The following CARF variants were observed in gnomAD, a reference collection of about 807,000 sequenced individuals.
The protein encoded by CARF is calcium responsive transcription factor, also known as calcium-responsive transcription factor.
A neutral mutation model predicts 82.0 loss-of-function variants in CARF; 57 were observed. That is an observed-to-expected ratio of 0.70 (90% CI 0.56 to 0.87). CARF has a LOEUF of 0.87. Among genes scored for constraint, CARF ranks in the 40% least tolerant of loss-of-function variants. The pLI, the probability that CARF is intolerant of heterozygous loss-of-function variation, is 0.00. For missense variants in CARF, 771 were observed against 855.8 expected (o/e 0.90, Z 1.24); for synonymous variants, 268 against 290.1 (o/e 0.92, Z 0.77).
At chr2:202,918,486 T>C (rs4675307) in intron 2 of CARF, among the ~76,000 whole-genome samples, 135,116 of 152,106 alleles carry the variant, frequency 0.89, 60,705 homozygotes, top group Non-Finnish European at 0.95. Context: ...TTGCAGTGAG[T>C]GCCACTGCAC....
chr2:202,939,044 T>C (rs778917534), intron 3 of CARF, among the ~76,000 whole-genome samples: 1 of 152,228 alleles, frequency 6.6e-6, no homozygotes, highest in Non-Finnish European at 1.5e-5. Context: ...GGTGTTTTTA[T>C]GGTCTGTCTT....
At chr2:202,970,774 G>A (rs1316784317) in intron 11 of CARF, among the ~76,000 whole-genome samples, 1 of 151,848 alleles carries the variant, frequency 6.6e-6, no homozygotes, top group Non-Finnish European at 1.5e-5. Flanking sequence ...AGTAGGCATT[G>A]TCAGTTATTG....
chr2:202,919,877 A>G (rs1363477126), intron 2 of CARF, among the ~76,000 whole-genome samples: 1 of 152,134 alleles, frequency 6.6e-6, no homozygotes, highest in African/African-American at 2.4e-5. Context: ...CCTATATGTA[A>G]ATTGGAACAG....
intron 1 of CARF, among the ~76,000 whole-genome samples, 157 bp from the exon 2 acceptor site, chr2:202,917,720 C>T (rs1290676938): frequency 2.0e-5 from 3 of 152,216 alleles, no homozygotes; most frequent in African/African-American, 7.2e-5. Flanking sequence ...CCTGTAAAGT[C>T]AGTCCTCATC....
intron 9 of CARF, among the ~76,000 whole-genome samples, chr2:202,964,351 C>T (rs2059451519): frequency 6.6e-6 from 1 of 152,108 alleles, no homozygotes; most frequent in South Asian, 2.1e-4. Context: ...GTGATCTCAG[C>T]TCACTGCAAT....
Position 202,962,267 on chromosome 2 carries a change from G to A in CARF, c.832+841G>A, listed in dbSNP as rs370097916. 1.2e-4 allele frequency: 19 copies of A among 152,272 alleles called. No homozygotes were observed. In the East Asian group the frequency reaches 1.7e-3, roughly 14 times the overall value. The allele number at this position is 152,272 out of a possible 1,614,324, so 9.4% of individuals were successfully genotyped here. A position where few individuals can be genotyped will look rare whatever the true frequency, so the allele number is the denominator to read the frequency against. ...AGCACTTTGGGAGGCCAAGGCGAGA[G>A]GATTGCTTGAGCTCACGAGTTTGAG... On this transcript the variant is annotated intron_variant, in intron 9 of 16. Coordinates refer to ENST00000438828, the MANE Select transcript of CARF (RefSeq NM_024744.17).
rs1208075500 is a variant in CARF at position 202,960,728 on chromosome 2, A to ACCTTCCCG, written c.643-494_643-487dup. Among the ~76,000 whole-genome samples, 42 of 134,400 alleles carry ACCTTCCCG rather than the reference A, an allele frequency of 3.1e-4. No homozygotes were observed. The East Asian group carries it at 7.8e-3, about 25-fold the overall frequency. 88.2% of individuals were successfully genotyped at this position (134,400 alleles called of 152,430 possible). On this transcript the variant is annotated intron_variant, in intron 8 of 16. Transcript: ENST00000438828. The stretch of plus-strand genomic sequence containing the variant: ...CACCTTCCCGCCTTCCCGCCTTCCC[A>ACCTTCCCG]CCTTCCCGCCTTCCCGCCTTCCTGC...
intron 13 of CARF, among the ~76,000 whole-genome samples, chr2:202,975,539 G>A (rs540888377): frequency 9.2e-5 from 14 of 152,302 alleles, no homozygotes; most frequent in East Asian, 1.9e-4. Flanking sequence ...CCTGGGAGGC[G>A]GAGGTTGCAG....
chr2:202,971,504 G>C lies in CARF; in HGVS notation c.1098-1G>C. On this transcript the variant is annotated splice_acceptor_variant, in intron 11 of 16. Coordinates refer to ENST00000438828, the MANE Select transcript of CARF (RefSeq NM_024744.17). LOFTEE classifies it high-confidence loss of function. ...TAATTTTAAATATTTTCTCTTACCA[G>C]GTGGTATGTACAGTTACCTACACAG... is the stretch of plus-strand genomic sequence containing the variant. The C allele has an allele frequency of 6.5e-7, 1 of 1,549,088 alleles. No homozygotes were observed. The highest frequency in any genetic ancestry group is 8.8e-7 in the Non-Finnish European group (1 of 1,132,856).
chr2:202,927,079 G>A (rs1691977535), intron 3 of CARF, among the ~76,000 whole-genome samples: 1 of 152,148 alleles, frequency 6.6e-6, no homozygotes. Context: ...GCTTCCCAAA[G>A]TGCTGGGATT....
At chr2:202,973,022 C>G (rs116384415) in intron 12 of CARF, among the ~76,000 whole-genome samples, 1,522 of 152,058 alleles carry the variant, frequency 0.01, 5 homozygotes, top group Non-Finnish European at 0.014. Flanking sequence ...AGTGATGCAC[C>G]CAAGAAGATG....
intron 5 of CARF, among the ~76,000 whole-genome samples, chr2:202,951,069 C>T (rs974083487): frequency 2.7e-5 from 4 of 150,418 alleles, no homozygotes; most frequent in Non-Finnish European, 4.4e-5. Context: ...TTTTTTGAGA[C>T]AAGGTTTTGC....
chr2:202,939,945 C>G (rs1053003132), intron 3 of CARF, among the ~76,000 whole-genome samples: 1 of 152,114 alleles, frequency 6.6e-6, no homozygotes, highest in Admixed American at 6.6e-5. Context: ...TTGCCTTGGT[C>G]TCCCAAAGTG....
At position 202,986,908 on chromosome 2, in the gene CARF, A is replaced by ATATATATATG. The variant is rs2060470440; in HGVS notation, c.*3284_*3285insTATATATATG. On this transcript the variant is annotated 3_prime_UTR_variant, in exon 17 of 17. Transcript: ENST00000438828. Reference sequence around the variant, plus strand: ...TATATATATATATATATATATATATAGCAACTTGATGTATAGTGTCCTTGT... The same window carrying ATATATATATG: ...TATATATATATATATATATATATATATATATATATGGCAACTTGATGTATAGTGTCCTTGT... 7.3e-6 allele frequency: 1 copy of ATATATATATG among 136,328 alleles called. No homozygotes were observed. The highest frequency in any genetic ancestry group is 1.6e-5 in the Non-Finnish European group (1 of 64,160). The allele number at this position is 136,328 out of a possible 1,614,324, so 8.4% of individuals were successfully genotyped here.
intron 9 of CARF, among the ~76,000 whole-genome samples, chr2:202,964,249 C>A (rs1457835516): frequency 6.6e-6 from 1 of 152,074 alleles, no homozygotes; most frequent in Non-Finnish European, 1.5e-5. Context: ...CATGACTTAG[C>A]ATTGCCAGAT....
intron 12 of CARF, among the ~76,000 whole-genome samples, chr2:202,972,492 C>T (rs940862103): frequency 1.3e-5 from 2 of 151,800 alleles, no homozygotes; most frequent in African/African-American, 4.8e-5. Flanking sequence ...TCCTGGCCAA[C>T]ATGGTGAAAC....
At chr2:202,977,409 C>G in intron 14 of CARF, 77 bp downstream of exon 14, 8 of 1,108,060 alleles carry the variant, frequency 7.2e-6, no homozygotes, top group Non-Finnish European at 1.1e-5. Flanking sequence ...ATTATCTCAT[C>G]TAATCAAATT....
At chr2:202,980,020 C>T (rs562101829) in intron 14 of CARF, among the ~76,000 whole-genome samples, 4 of 152,250 alleles carry the variant, frequency 2.6e-5, no homozygotes, top group East Asian at 3.9e-4. Context: ...TACAGTGGGA[C>T]GATCTTGGCT....
intron 2 of CARF, among the ~76,000 whole-genome samples, chr2:202,921,379 G>T (rs80319491): frequency 6.6e-6 from 1 of 152,120 alleles, no homozygotes; most frequent in Non-Finnish European, 1.5e-5. Context: ...CTATTACCTT[G>T]CCATCAGACA....
Sources: gnomAD v4.1 joint callset for allele counts (sites outside exome capture counted in the v4.1 genomes callset) on GRCh38, gnomAD v4.1.1 for gene constraint, MANE v1.5 for transcripts, NCBI Gene and HGNC (gene_info 2026-07-23, HGNC 2026-07-21) for gene names.